Variants in SUFU observed in about 807,000 individuals in gnomAD.
The protein encoded by SUFU is suppressor of fused homolog.
A neutral mutation model predicts 58.9 loss-of-function variants in SUFU; 7 were observed. The ratio of observed to expected loss-of-function variants is 0.12; its 90% confidence interval spans 0.07 to 0.22. SUFU has a LOEUF of 0.22. Ranked by LOEUF, SUFU falls within the 10% of genes least tolerant of loss-of-function variation. The pLI, the probability that SUFU is intolerant of heterozygous loss-of-function variation, is 1.00. For synonymous variants in SUFU, 232 were observed against 254.8 expected (o/e 0.91, Z 0.85); for missense variants, 451 against 641.3 (o/e 0.70, Z 3.20).
Position 102,509,321 on chromosome 10 carries a change from G to C in SUFU, c.317+18G>C, listed in dbSNP as rs765919055. On this transcript the variant is annotated intron_variant, in intron 2 of 11. Transcript: ENST00000369902. ...GTCCATGAGTGAGTATATGCCACCT[G>C]TTCTTTATCCAGAGCCTTATTCCTG... 5 of 1,613,426 alleles carry C rather than the reference G, an allele frequency of 3.1e-6. No homozygotes were observed. Among genetic ancestry groups the C allele is most frequent in the South Asian group, 1.1e-5 (1 of 91,080 alleles).
At chr10:102,537,146 T>G (rs933137380) in intron 2 of SUFU, among the ~76,000 whole-genome samples, 1 of 150,214 alleles carries the variant, frequency 6.7e-6, no homozygotes, top group Admixed American at 6.6e-5. Context: ...TTTTTTTTTT[T>G]TTTTGAGTCA....
At chr10:102,613,092 T>C (rs1365274794) in intron 8 of SUFU, among the ~76,000 whole-genome samples, 1 of 151,878 alleles carries the variant, frequency 6.6e-6, no homozygotes, top group African/African-American at 2.4e-5. Context: ...GGAAAGAGAG[T>C]TGGTCGGAAG....
rs142029957 is a variant in SUFU at position 102,627,186 on chromosome 10, C to T, written c.1308C>T (p.Thr436=). 384 of 1,614,130 alleles carry T rather than the reference C, an allele frequency of 2.4e-4. 2 individuals carry two copies. In the East Asian group the frequency reaches 5.9e-3, roughly 25 times the overall value. The change falls in exon 11 of 12, where the codon ACC becomes ACT. Residue 436 remains threonine (T), a synonymous_variant. Coordinates refer to ENST00000369902, the MANE Select transcript of SUFU (RefSeq NM_016169.4). Reference sequence around the variant, plus strand: ...TTGTGCCTTCACAGATTCTGTTGACCGAAGAGTTTGTAGAGAAAATGTTGG... The same window carrying T: ...TTGTGCCTTCACAGATTCTGTTGACTGAAGAGTTTGTAGAGAAAATGTTGG... ...AHGPWLQILL[T]EEFVEKMLED...
rs145635512 is a variant in SUFU at position 102,561,608 on chromosome 10, G to A, written c.454+11502G>A. 5.4e-3 allele frequency among the ~76,000 whole-genome samples: 821 copies of A among 151,384 alleles called. 5 individuals are homozygous for A. Among genetic ancestry groups the A allele is most frequent in the Non-Finnish European group, 6.5e-3 (440 of 67,896 alleles). On this transcript the variant is annotated intron_variant, in intron 3 of 11. Transcript: ENST00000369902. ...TCCCCCTTCTTAGGTTCCTTGGCCA[G>A]AGAGATTGGTTCATACACACTATGT...
intron 2 of SUFU, among the ~76,000 whole-genome samples, chr10:102,525,438 A>G: frequency 6.6e-6 from 1 of 151,986 alleles, no homozygotes. Context: ...GTGAGGGAGT[A>G]CCTCCATCCC....
At chr10:102,516,610 C>T (rs1194064557) in intron 2 of SUFU, among the ~76,000 whole-genome samples, 2 of 151,998 alleles carry the variant, frequency 1.3e-5, no homozygotes, top group Admixed American at 6.5e-5. Context: ...TGCAGTGGCA[C>T]GATCTCGGCT....
intron 7 of SUFU, among the ~76,000 whole-genome samples, chr10:102,597,708 G>C (rs1259260126): frequency 1.3e-5 from 2 of 152,240 alleles, no homozygotes; most frequent in East Asian, 1.9e-4. Context: ...GGATCACTCT[G>C]GCCTCGGGCC....
chr10:102,538,555 G>A lies in SUFU; in HGVS notation c.318-11415G>A, dbSNP rs139762187. ...TTTGAAAAAAGACTTTTTTAGAGCC[G>A]TTTTAGGTTCTCAGCAAAATTGAGC... On this transcript the variant is annotated intron_variant, in intron 2 of 11. Coordinates refer to ENST00000369902, the MANE Select transcript of SUFU (RefSeq NM_016169.4). 2.6e-5 allele frequency among the ~76,000 whole-genome samples: 4 copies of A among 152,132 alleles called. No homozygotes were observed. The East Asian group carries it at 5.8e-4, about 22-fold the overall frequency.
rs1290561880 is a variant in SUFU at position 102,509,210 on chromosome 10, G to A, written c.224G>A (p.Arg75Lys). The A allele has an allele frequency of 1.2e-6, 2 of 1,614,212 alleles. No individual in the cohort carries two copies. Among genetic ancestry groups the A allele is most frequent in the Non-Finnish European group, 1.7e-6 (2 of 1,180,040 alleles). ...CCCTTGGACTATGTTAGCATGTACA[G>A]GAATGTGGGGAGCCCTTCTGCTAAC... ...PDPLDYVSMY[R>K]NVGSPSANIP... The change falls in exon 2 of 12, where the codon AGG (arginine) becomes AAG (lysine). Residue 75 changes from arginine to lysine, a missense_variant. Coordinates refer to ENST00000369902, the MANE Select transcript of SUFU (RefSeq NM_016169.4).
Position 102,511,691 on chromosome 10 carries a change from T to C in SUFU, c.317+2388T>C, listed in dbSNP as rs556131333. Among the ~76,000 whole-genome samples the C allele has an allele frequency of 2.0e-5, 3 of 152,222 alleles. No individual in the cohort carries two copies. In the East Asian group the frequency reaches 5.8e-4, roughly 29 times the overall value. On this transcript the variant is annotated intron_variant, in intron 2 of 11. Transcript: ENST00000369902. ...AAAGAGCTGGGATTGAATTGGGCTG[T>C]TTGAGTCCAAAGTTTGAGCTTTTTT...
chr10:102,570,743 T>A (rs566962379), intron 3 of SUFU, among the ~76,000 whole-genome samples: 3 of 152,124 alleles, frequency 2.0e-5, no homozygotes, highest in Admixed American at 2.0e-4. Flanking sequence ...AAGAAGGGAG[T>A]TAGTTTCCTA....
chr10:102,515,701 G>T (rs994365339), intron 2 of SUFU, among the ~76,000 whole-genome samples: 12 of 152,056 alleles, frequency 7.9e-5, no homozygotes, highest in Non-Finnish European at 1.6e-4. Flanking sequence ...CCCTCCTCTG[G>T]TTGGACCTTT....
chr10:102,598,915 G>T (rs1298183563), intron 7 of SUFU, among the ~76,000 whole-genome samples: 1 of 152,076 alleles, frequency 6.6e-6, no homozygotes, highest in Admixed American at 6.5e-5. Context: ...GAGTTTCCTG[G>T]GATAGACCAA....
intron 2 of SUFU, among the ~76,000 whole-genome samples, chr10:102,517,641 AATTC>A (rs1199064965): frequency 5.3e-5 from 8 of 152,286 alleles, no homozygotes; most frequent in African/African-American, 1.9e-4. Context: ...TTGACTCCTG[AATTC>A]ATTCATGTAT....
chr10:102,594,361 T>A (rs1375118871), intron 6 of SUFU, among the ~76,000 whole-genome samples: 1 of 152,216 alleles, frequency 6.6e-6, no homozygotes, highest in East Asian at 1.9e-4. Flanking sequence ...ATAAGTGTAG[T>A]GGATATTGCT....
rs769755064 is a variant in SUFU, at chr10:102,597,140, G to A, written c.757G>A (p.Glu253Lys). Residue 253 changes from glutamate (E) to lysine (K), a missense_variant and splice_region_variant, in exon 7 of 12, where the codon GAG becomes AAG. Coordinates refer to ENST00000369902, the MANE Select transcript of SUFU (RefSeq NM_016169.4). ...TGGCTCTTTGGTTCTTTTCAAGCAG[G>A]AGAGAGTTGACAAAGGCATCGAGAC... is the stretch of plus-strand genomic sequence containing the variant. ...TIFEIDPHLQ[E>K]RVDKGIETDG... 2 of 1,613,982 alleles carry A rather than the reference G, an allele frequency of 1.2e-6. No individual in the cohort carries two copies. Among genetic ancestry groups the A allele is most frequent in the South Asian group, 1.1e-5 (1 of 91,066 alleles).
intron 1 of SUFU, 102 bp from the exon 2 acceptor site, chr10:102,509,067 C>G: frequency 1.3e-6 from 2 of 1,516,764 alleles, no homozygotes; most frequent in Non-Finnish European, 1.8e-6. Flanking sequence ...CACCCAGGTT[C>G]CTCCAGGATG....
At chr10:102,587,334 G>A (rs2063345042) in intron 3 of SUFU, among the ~76,000 whole-genome samples, 1 of 152,138 alleles carries the variant, frequency 6.6e-6, no homozygotes, top group Admixed American at 6.5e-5. Context: ...AATGCACACG[G>A]ATTCCAAATT....
chr10:102,548,791 C>G (rs2062879956), intron 2 of SUFU, among the ~76,000 whole-genome samples: 1 of 152,048 alleles, frequency 6.6e-6, no homozygotes, highest in African/African-American at 2.4e-5. Context: ...TTCCCTGAGA[C>G]TTGGGGCTCC....
Sources: gnomAD v4.1 joint callset for allele counts (sites outside exome capture counted in the v4.1 genomes callset) on GRCh38, gnomAD v4.1.1 for gene constraint, MANE v1.5 for transcripts, NCBI Gene and HGNC (gene_info 2026-07-23, HGNC 2026-07-21) for gene names.